The following NCOA2 variants were observed in gnomAD, a reference collection of about 807,000 sequenced individuals.
NCOA2 encodes nuclear receptor coactivator 2.
Under a neutral mutation model 145.1 loss-of-function variants are expected in NCOA2, and 21 were observed. The observed-to-expected ratio is 0.14, with a 90% CI of 0.10 to 0.21. The LOEUF (loss-of-function observed/expected upper bound fraction) is 0.21, where lower values mean the gene tolerates loss of function less well. NCOA2 is among the 10% of genes least tolerant of loss of function. The probability of loss-of-function intolerance (pLI) is 1.00; values close to 1 mark genes in which losing one functional copy is unlikely to be tolerated. For synonymous variants in NCOA2, 619 were observed against 637.5 expected (o/e 0.97, Z 0.44); for missense variants, 1,472 against 1,837.6 (o/e 0.80, Z 3.64).
chr8:70,310,093 G>C (rs1828199558), intron 1 of NCOA2, among the ~76,000 whole-genome samples: 1 of 152,236 alleles, frequency 6.6e-6, no homozygotes, highest in East Asian at 1.9e-4. Flanking sequence ...CACTTTGGGA[G>C]GCCAAGGAGG....
chr8:70,291,870 C>T (rs1367055632), intron 2 of NCOA2, among the ~76,000 whole-genome samples: 12 of 152,022 alleles, frequency 7.9e-5, no homozygotes, highest in African/African-American at 2.2e-4. Context: ...GAGGCCGAGG[C>T]GGGCGGATCA....
chr8:70,166,822 TA>T, intron 6 of NCOA2, 68 bp from the exon 7 acceptor site: 4 of 1,355,550 alleles, frequency 3.0e-6, no homozygotes, highest in Non-Finnish European at 4.1e-6. Flanking sequence ...TCTGAATTAT[TA>T]AAATGATGTA....
chr8:70,400,517 G>T (rs1287783106), intron 1 of NCOA2, among the ~76,000 whole-genome samples: 1 of 152,128 alleles, frequency 6.6e-6, no homozygotes, highest in Non-Finnish European at 1.5e-5. Flanking sequence ...ACAAAAGAGA[G>T]AAGGGCATAT....
chr8:70,403,860 C>T (rs1326771876), upstream of NCOA2: 4 of 386,812 alleles, frequency 1.0e-5, no homozygotes, highest in Admixed American at 4.5e-5. Flanking sequence ...TCCTCCTCCT[C>T]CTCCTCCTCC....
chr8:70,197,915 C>G (rs1438884011), intron 4 of NCOA2, among the ~76,000 whole-genome samples: 4 of 151,780 alleles, frequency 2.6e-5, no homozygotes, highest in Admixed American at 2.6e-4. Context: ...CCTCCCAGCT[C>G]AGCCTCTTGA....
chr8:70,337,314 G>A (rs1483680888), intron 1 of NCOA2, among the ~76,000 whole-genome samples: 1 of 151,892 alleles, frequency 6.6e-6, no homozygotes. Flanking sequence ...TCCCTCCCAA[G>A]GTCCCTTGTC....
intron 4 of NCOA2, among the ~76,000 whole-genome samples, chr8:70,195,337 T>C (rs1259055760): frequency 6.6e-6 from 1 of 152,228 alleles, no homozygotes; most frequent in Non-Finnish European, 1.5e-5. Context: ...AGAAAAGAGC[T>C]GTAAACACTA....
chr8:70,299,145 C>G (rs529085966), intron 1 of NCOA2, among the ~76,000 whole-genome samples: 1 of 152,062 alleles, frequency 6.6e-6, no homozygotes, highest in African/African-American at 2.4e-5. Context: ...CATCTAGATA[C>G]CTTGGTGTAA....
intron 6 of NCOA2, among the ~76,000 whole-genome samples, chr8:70,167,543 T>G (rs947891366): frequency 2.6e-5 from 4 of 152,226 alleles, no homozygotes; most frequent in Non-Finnish European, 2.9e-5. Flanking sequence ...TTTCTCAAAT[T>G]TTACAGAAAC....
At chr8:70,308,120 A>G (rs1828032909) in intron 1 of NCOA2, among the ~76,000 whole-genome samples, 1 of 152,116 alleles carries the variant, frequency 6.6e-6, no homozygotes, top group South Asian at 2.1e-4. Context: ...TCTGAACTGT[A>G]ACTAAAGAAC....
chr8:70,278,230 G>GT (rs1212338515), intron 2 of NCOA2, among the ~76,000 whole-genome samples: 1 of 152,142 alleles, frequency 6.6e-6, no homozygotes, highest in African/African-American at 2.4e-5. Flanking sequence ...TTTGTAGCAT[G>GT]TATCAGTATT....
At chr8:70,332,106 TAGTAAAC>T (rs1314330612) in intron 1 of NCOA2, among the ~76,000 whole-genome samples, 8 of 152,182 alleles carry the variant, frequency 5.3e-5, no homozygotes, top group Admixed American at 4.6e-4. Context: ...CAAAAGTATA[TAGTAAAC>T]AGTAACTTGA....
intron 13 of NCOA2, among the ~76,000 whole-genome samples, chr8:70,141,757 G>A (rs1480202451): frequency 2.0e-5 from 3 of 152,156 alleles, no homozygotes; most frequent in Admixed American, 6.5e-5. Flanking sequence ...CAAAAGGGAG[G>A]TAGAGGCCAA....
In NCOA2 at chr8:70,119,684, T is replaced by C. The variant is rs372271075; in HGVS notation, c.4383+1618A>G. On this transcript the variant is annotated intron_variant, in intron 22 of 22. Coordinates refer to ENST00000452400, the MANE Select transcript of NCOA2 (RefSeq NM_006540.4). ...CAACAGTGTATGAGAGTTCCCTTTTTTACTCTATCTTGCCGACATCTGTTA... is the reference window on the plus strand; with the variant it reads ...CAACAGTGTATGAGAGTTCCCTTTTCTACTCTATCTTGCCGACATCTGTTA... Among the ~76,000 whole-genome samples the C allele has an allele frequency of 2.0e-5, 3 of 152,330 alleles. No individual in the cohort carries two copies. The East Asian group carries it at 5.8e-4, about 29-fold the overall frequency.
At chr8:70,279,229 C>G (rs1384890779) in intron 2 of NCOA2, among the ~76,000 whole-genome samples, 1 of 152,188 alleles carries the variant, frequency 6.6e-6, no homozygotes, top group Admixed American at 6.5e-5. Context: ...CCTGGAATTA[C>G]CCGCAGTAGG....
rs199668006 is a variant in NCOA2 at position 70,377,933 on chromosome 8, ACT to A, written c.-77+25765_-77+25766del. Among the ~76,000 whole-genome samples, 1,281 of 152,190 alleles carry A rather than the reference ACT, an allele frequency of 8.4e-3. 19 individuals carry two copies. Among genetic ancestry groups the A allele is most frequent in the Non-Finnish European group, 0.01 (702 of 68,000 alleles). ...AGTACTCCAGTCTTTAACAATGATA[ACT>A]CTGACTCTGATTTCCATAGACTGAT... is the stretch of plus-strand genomic sequence containing the variant. On this transcript the variant is annotated intron_variant, in intron 1 of 22. Transcript: ENST00000452400.
intron 4 of NCOA2, among the ~76,000 whole-genome samples, chr8:70,206,735 T>G (rs762250731): frequency 6.6e-6 from 1 of 152,108 alleles, no homozygotes; most frequent in Non-Finnish European, 1.5e-5. Flanking sequence ...CAGCCTCAAA[T>G]CCAACCAAGT....
At chr8:70,121,904 T>C (rs752385246) in intron 21 of NCOA2, among the ~76,000 whole-genome samples, 3 of 152,244 alleles carry the variant, frequency 2.0e-5, no homozygotes, top group Non-Finnish European at 2.9e-5. Flanking sequence ...CATTAGAAAG[T>C]AAATTTGCAA....
At chr8:70,293,918 T>C (rs1826891019) in intron 2 of NCOA2, among the ~76,000 whole-genome samples, 1 of 152,166 alleles carries the variant, frequency 6.6e-6, no homozygotes, top group Admixed American at 6.5e-5. Context: ...TACTCAAATC[T>C]GGAATTTGCA....
Sources: allele counts gnomAD v4.1 joint callset (sites outside exome capture counted in the v4.1 genomes callset), GRCh38; gene constraint gnomAD v4.1.1; transcripts MANE v1.5; gene names NCBI Gene and HGNC (gene_info 2026-07-23, HGNC 2026-07-21).